Variants in CNTN4 observed in about 807,000 individuals in gnomAD.
The protein encoded by CNTN4 is contactin 4.
In CNTN4, 77 loss-of-function variants were observed where a neutral mutation model predicts 122.5. That is an observed-to-expected ratio of 0.63 (90% CI 0.52 to 0.76). The LOEUF is 0.76. Among genes scored for constraint, CNTN4 ranks in the 30% least tolerant of loss-of-function variants. CNTN4 has a pLI of 0.00. For missense variants in CNTN4, 1,256 were observed against 1,259.1 expected (o/e 1.00, Z 0.04); for synonymous variants, 512 against 447.0 (o/e 1.15, Z -1.83).
intron 2 of CNTN4, among the ~76,000 whole-genome samples, chr3:2,271,037 G>C (rs1235822756): frequency 2.6e-5 from 4 of 152,100 alleles, no homozygotes; most frequent in African/African-American, 9.7e-5. Context: ...GGACCTCTCT[G>C]CTTTTGGTGA....
chr3:2,880,028 G>T (rs2093888981), intron 8 of CNTN4, among the ~76,000 whole-genome samples: 2 of 152,054 alleles, frequency 1.3e-5, no homozygotes, highest in Non-Finnish European at 2.9e-5. Flanking sequence ...GTTCAGTTTG[G>T]GCCTAAATAG....
At chr3:2,492,954 C>A (rs188841296) in intron 3 of CNTN4, among the ~76,000 whole-genome samples, 71 of 152,104 alleles carry the variant, frequency 4.7e-4, no homozygotes, top group African/African-American at 1.6e-3. Flanking sequence ...ATTCTATGAA[C>A]ATAAAAAAAT....
At chr3:2,456,894 C>T (rs1379725604) in intron 3 of CNTN4, among the ~76,000 whole-genome samples, 1 of 152,050 alleles carries the variant, frequency 6.6e-6, no homozygotes, top group African/African-American at 2.4e-5. Context: ...CTGTTTTTGG[C>T]ATTTACTTTG....
chr3:2,771,102 G>A (rs1318556669), intron 6 of CNTN4, among the ~76,000 whole-genome samples: 1 of 152,156 alleles, frequency 6.6e-6, no homozygotes, highest in African/African-American at 2.4e-5. Flanking sequence ...AGCACTTAAA[G>A]CAAAATGACT....
intron 3 of CNTN4, among the ~76,000 whole-genome samples, chr3:2,570,035 A>G (rs1335773000): frequency 6.6e-6 from 1 of 151,734 alleles, no homozygotes; most frequent in Non-Finnish European, 1.5e-5. Context: ...ACATTCACAC[A>G]TGGCGGGCTG....
At chr3:2,202,577 A>G (rs146816727) in intron 2 of CNTN4, among the ~76,000 whole-genome samples, 46 of 152,290 alleles carry the variant, frequency 3.0e-4, no homozygotes, top group Non-Finnish European at 5.0e-4. Flanking sequence ...TTTTACAGCC[A>G]GTGTTTGTGC....
chr3:2,791,360 T>C (rs1455530160), intron 6 of CNTN4, among the ~76,000 whole-genome samples: 2 of 151,940 alleles, frequency 1.3e-5, no homozygotes, highest in Non-Finnish European at 2.9e-5. Flanking sequence ...GGCGAAACCC[T>C]GTCTCTACAA....
rs560486937 is a variant in CNTN4, at chr3:2,729,064, A to G, written c.56-7151A>G. On this transcript the variant is annotated intron_variant, in intron 4 of 24. Transcript: ENST00000418658. ...GGAATTTGTAGTTTTCTAAGATGAA[A>G]TCATAATATTGCATTTTTGTTCTTT... Among the ~76,000 whole-genome samples the G allele has an allele frequency of 2.6e-5, 4 of 152,294 alleles. No homozygotes were observed. The South Asian group carries it at 8.3e-4, about 32-fold the overall frequency.
chr3:2,477,541 G>A (rs1243125774), intron 3 of CNTN4, among the ~76,000 whole-genome samples: 1 of 152,080 alleles, frequency 6.6e-6, no homozygotes, highest in Non-Finnish European at 1.5e-5. Flanking sequence ...GCTAGTGAAT[G>A]GCAGCCCAGT....
At chr3:2,943,139 C>T (rs961708618) in intron 13 of CNTN4, among the ~76,000 whole-genome samples, 3 of 152,062 alleles carry the variant, frequency 2.0e-5, no homozygotes, top group Non-Finnish European at 4.4e-5. Flanking sequence ...TAGGGTGGAA[C>T]AAAGATGCAA....
intron 3 of CNTN4, among the ~76,000 whole-genome samples, chr3:2,446,458 A>G (rs1411829695): frequency 1.3e-5 from 2 of 152,140 alleles, no homozygotes; most frequent in Admixed American, 1.3e-4. Context: ...GTCCCATTTA[A>G]CTGGCATCTT....
At position 2,528,760 on chromosome 3, in the gene CNTN4, T is replaced by C. The variant is rs1575862309; in HGVS notation, c.-88-42656T>C. Among the ~76,000 whole-genome samples the C allele has an allele frequency of 2.6e-5, 4 of 152,096 alleles. No individual in the cohort carries two copies. In the East Asian group the frequency reaches 7.7e-4, roughly 29 times the overall value. On this transcript the variant is annotated intron_variant, in intron 3 of 24. Transcript: ENST00000418658. ...CCTTTAAAAAACTCTTAATACTCCA[T>C]AATTAGCCTACAATATAATAATTTG...
chr3:2,866,962 G>A lies in CNTN4; in HGVS notation c.652+13G>A. The A allele has an allele frequency of 1.2e-6, 2 of 1,611,236 alleles. No individual in the cohort carries two copies. Among genetic ancestry groups the A allele is most frequent in the Non-Finnish European group, 1.7e-6 (2 of 1,177,668 alleles). On this transcript the variant is annotated intron_variant, in intron 8 of 24. Transcript: ENST00000418658. Reference sequence around the variant, plus strand: ...TTGAGAAATGATGGTGAGTTTTCAAGTAATTTTGTTAATTTTGTTTCTGCA... The same window carrying A: ...TTGAGAAATGATGGTGAGTTTTCAAATAATTTTGTTAATTTTGTTTCTGCA...
intron 7 of CNTN4, among the ~76,000 whole-genome samples, chr3:2,846,167 T>C (rs1432190850): frequency 6.6e-6 from 1 of 152,220 alleles, no homozygotes; most frequent in Non-Finnish European, 1.5e-5. Flanking sequence ...CCAGTTGATA[T>C]GATTTGGCTG....
At chr3:2,561,071 C>T (rs548560629) in intron 3 of CNTN4, among the ~76,000 whole-genome samples, 2 of 152,272 alleles carry the variant, frequency 1.3e-5, no homozygotes, top group East Asian at 3.9e-4. Flanking sequence ...GCTTACTTCC[C>T]CACTAAGTGT....
At chr3:2,531,328 G>A (rs964275080) in intron 3 of CNTN4, among the ~76,000 whole-genome samples, 3 of 152,088 alleles carry the variant, frequency 2.0e-5, no homozygotes, top group Non-Finnish European at 4.4e-5. Context: ...CTGGGTACGG[G>A]AGATACATTT....
At chr3:2,433,954 A>C (rs1482879966) in intron 3 of CNTN4, among the ~76,000 whole-genome samples, 1 of 152,162 alleles carries the variant, frequency 6.6e-6, no homozygotes, top group Non-Finnish European at 1.5e-5. Context: ...AATTTTACAA[A>C]GTTGAACTCA....
intron 4 of CNTN4, among the ~76,000 whole-genome samples, chr3:2,630,260 C>T (rs529153537): frequency 6.6e-6 from 1 of 152,186 alleles, no homozygotes; most frequent in Admixed American, 6.5e-5. Flanking sequence ...CATGGTGAAA[C>T]CCCATCTGTG....
At chr3:2,589,405 G>A (rs762170382) in intron 4 of CNTN4, among the ~76,000 whole-genome samples, 1 of 152,072 alleles carries the variant, frequency 6.6e-6, no homozygotes, top group Non-Finnish European at 1.5e-5. Flanking sequence ...TCTGTTTTTA[G>A]CCATCCATTG....
Sources: allele counts gnomAD v4.1 joint callset (sites outside exome capture counted in the v4.1 genomes callset), GRCh38; gene constraint gnomAD v4.1.1; transcripts MANE v1.5; gene names NCBI Gene and HGNC (gene_info 2026-07-23, HGNC 2026-07-21).